The following EWSR1 variants were observed in gnomAD, a reference collection of about 807,000 sequenced individuals.
EWSR1 encodes RNA-binding protein EWS.
A neutral mutation model predicts 92.1 loss-of-function variants in EWSR1; 14 were observed. The ratio of observed to expected loss-of-function variants is 0.15; its 90% CI spans 0.10 to 0.24. The LOEUF (loss-of-function observed/expected upper bound fraction) is 0.24, where lower values mean the gene tolerates loss of function less well. EWSR1 is among the 10% of genes least tolerant of loss of function. EWSR1 has a pLI of 1.00. For synonymous variants in EWSR1, 303 were observed against 292.9 expected (o/e 1.03, Z -0.35); for missense variants, 637 against 870.9 (o/e 0.73, Z 3.38).
intron 5 of EWSR1, among the ~76,000 whole-genome samples, chr22:29,280,843 T>TTG (rs929216836): frequency 6.2e-4 from 89 of 144,354 alleles, no homozygotes; most frequent in East Asian, 1.6e-3. Context: ...CCAGCTAATT[T>TTG]TGTGTGTGTG....
At chr22:29,289,272 T>C in intron 8 of EWSR1, 1 of 232,594 alleles carries the variant, frequency 4.3e-6, no homozygotes, top group South Asian at 1.8e-4. Flanking sequence ...TTTGGTCCCA[T>C]AATCCTTAAA....
chr22:29,275,934 T>TG (rs751069593), intron 4 of EWSR1: 234 of 199,348 alleles, frequency 1.2e-3, no homozygotes, highest in Non-Finnish European at 1.8e-3. Flanking sequence ...TTTGTTTTTT[T>TG]GTTTTTTTTT....
At chr22:29,272,127 C>G in intron 1 of EWSR1, 89 bp from the exon 2 acceptor site, 1 of 1,228,334 alleles carries the variant, frequency 8.1e-7, no homozygotes. Flanking sequence ...TTAAAGAATT[C>G]TTCCTGCCAC....
chr22:29,276,099 A>G (rs1405752630), intron 4 of EWSR1: 6 of 231,836 alleles, frequency 2.6e-5, no homozygotes, highest in Non-Finnish European at 5.1e-5. Flanking sequence ...GCATAGTTTT[A>G]TGACATGAGT....
rs2061085293 is a variant in EWSR1 at position 29,298,715 on chromosome 22, T to C, written c.1418-18T>C. 3 of 1,611,540 alleles carry C rather than the reference T, an allele frequency of 1.9e-6. No homozygotes were observed. Among genetic ancestry groups the C allele is most frequent in the Non-Finnish European group, 2.5e-6 (3 of 1,179,068 alleles). On this transcript the variant is annotated intron_variant, in intron 13 of 16. Transcript: ENST00000397938. ...CTACAGAGAAATGATTTGCTGTTTC[T>C]TGTTGTTCTTGTTGTAGGTCCAGGA...
Position 29,286,417 on chromosome 22 carries a change from C to T in EWSR1, c.582-506C>T, listed in dbSNP as rs191794901. Among the ~76,000 whole-genome samples, 475 of 151,480 alleles carry T rather than the reference C, an allele frequency of 3.1e-3. 2 individuals carry two copies. The highest frequency in any genetic ancestry group is 4.2e-3 in the Non-Finnish European group (285 of 67,828). Reference sequence around the variant, plus strand: ...ATATTTCCCCCTCCCAGCTGGGCACCGTGGCTCATGCCTGTAATCCCAGCA... The same window carrying T: ...ATATTTCCCCCTCCCAGCTGGGCACTGTGGCTCATGCCTGTAATCCCAGCA... On this transcript the variant is annotated intron_variant, in intron 6 of 16. Transcript: ENST00000397938.
At chr22:29,291,414 G>A in intron 8 of EWSR1, 148 bp from the exon 9 acceptor site, 1 of 716,054 alleles carries the variant, frequency 1.4e-6, no homozygotes. Context: ...AAGCTGCCCT[G>A]AAGAAAGGCA....
chr22:29,300,469 G>C lies in EWSR1; in HGVS notation c.*308G>C, dbSNP rs898499210. On this transcript the variant is annotated 3_prime_UTR_variant, in exon 17 of 17. Coordinates refer to ENST00000397938, the MANE Select transcript of EWSR1 (RefSeq NM_005243.4). ...GCCTCTTAACTGTAACAATGTTCATGGTTGTGATGTTTTTTTTTTTTTTTT... is the reference window on the plus strand; with the variant it reads ...GCCTCTTAACTGTAACAATGTTCATCGTTGTGATGTTTTTTTTTTTTTTTT... 7.0e-6 allele frequency: 2 copies of C among 286,198 alleles called. No homozygotes were observed. The highest frequency in any genetic ancestry group is 4.4e-5 in the African/African-American group (2 of 45,774). 17.7% of individuals were successfully genotyped at this position (286,198 alleles called of 1,614,324 possible).
Position 29,285,907 on chromosome 22 carries a change from G to A in EWSR1, c.582-1016G>A, listed in dbSNP as rs572994063. On this transcript the variant is annotated intron_variant, in intron 6 of 16. Coordinates refer to ENST00000397938, the MANE Select transcript of EWSR1 (RefSeq NM_005243.4). ...GGCTGGAGTGCAGTGGCACTATCTC[G>A]GCTCACTGCAAGCTCCGCCTCCTGG... Among the ~76,000 whole-genome samples, 8 of 152,124 alleles carry A rather than the reference G, an allele frequency of 5.3e-5. No individual in the cohort carries two copies. The East Asian group carries it at 1.4e-3, about 26-fold the overall frequency.
In EWSR1 at chr22:29,283,380, G is replaced by C. The variant is rs187389066; in HGVS notation, c.581+823G>C. On this transcript the variant is annotated intron_variant, in intron 6 of 16. Transcript: ENST00000397938. ...TGGCCAAGTTTTCTTTTTTGAGACA[G>C]AGTCTCACTCTGTTGCACAGGCTGG... 2.6e-5 allele frequency among the ~76,000 whole-genome samples: 4 copies of C among 152,210 alleles called. No individual in the cohort carries two copies. The East Asian group carries it at 5.8e-4, about 22-fold the overall frequency.
intron 13 of EWSR1, 30 bp from the exon 14 acceptor site, chr22:29,298,703 A>G: frequency 1.2e-6 from 2 of 1,612,032 alleles, no homozygotes; most frequent in Non-Finnish European, 8.5e-7. Context: ...CAGAGAAATG[A>G]TTTGCTGTTT....
chr22:29,292,041 A>T, intron 9 of EWSR1, 96 bp from the exon 10 acceptor site: 1 of 1,042,148 alleles, frequency 9.6e-7, no homozygotes, highest in Non-Finnish European at 1.5e-6. Context: ...ATCCCCATCA[A>T]ATGGTGGTAT....
At chr22:29,290,722 AAAC>A in intron 8 of EWSR1, 1 of 1,261,112 alleles carries the variant, frequency 7.9e-7, no homozygotes, top group Non-Finnish European at 1.0e-6. Context: ...TTTAAAAAGG[AAAC>A]AAAGCTGCAT....
At chr22:29,276,066 A>G (rs911463153) in intron 4 of EWSR1, 6 of 231,748 alleles carry the variant, frequency 2.6e-5, no homozygotes, top group East Asian at 1.8e-4. Context: ...AATCTTTAGC[A>G]TGACAAGGCC....
At chr22:29,294,604 C>CA (rs1029749874) in intron 11 of EWSR1, among the ~76,000 whole-genome samples, 967 of 65,114 alleles carry the variant, frequency 0.015, 8 homozygotes, top group African/African-American at 0.027. Context: ...GACTCCGCCT[C>CA]AAAAAAAAAA....
chr22:29,271,189 A>T (rs1345432534), intron 1 of EWSR1, among the ~76,000 whole-genome samples: 1 of 152,210 alleles, frequency 6.6e-6, no homozygotes, highest in Non-Finnish European at 1.5e-5. Flanking sequence ...TAATGGCAGT[A>T]CTGTCTTCAG....
At chr22:29,296,877 CA>C (rs368965813) in intron 12 of EWSR1, among the ~76,000 whole-genome samples, 14 of 151,736 alleles carry the variant, frequency 9.2e-5, no homozygotes, top group African/African-American at 3.1e-4. Context: ...CCTGTCTCTA[CA>C]AAAAAAATAC....
chr22:29,299,655 A>T lies in EWSR1; in HGVS notation c.1735A>T (p.Met579Leu). Residue 579 changes from methionine to leucine, a missense_variant, in exon 16 of 17, where the codon ATG becomes TTG. This residue lies in a region of EWSR1 where 363 missense variants were observed against 447.8 expected (regional missense o/e 0.81). Coordinates refer to ENST00000397938, the MANE Select transcript of EWSR1 (RefSeq NM_005243.4). Reference sequence around the variant, plus strand: ...CATGCGGGGAGGAAGAGGTGGCCTCATGGATCGTGGTGGTCCCGGTGGAAT... The same window carrying T: ...CATGCGGGGAGGAAGAGGTGGCCTCTTGGATCGTGGTGGTCCCGGTGGAAT... The part of the protein sequence containing the change: ...GGMRGGRGGL[M>L]DRGGPGGMFR... The T allele has an allele frequency of 6.2e-7, 1 of 1,610,020 alleles. No homozygotes were observed. Among genetic ancestry groups the T allele is most frequent in the South Asian group, 1.1e-5 (1 of 90,772 alleles).
chr22:29,297,824 C>T lies in EWSR1; in HGVS notation c.1295-3C>T. On this transcript the variant is annotated splice_region_variant and splice_polypyrimidine_tract_variant and intron_variant, in intron 12 of 16. Coordinates refer to ENST00000397938, the MANE Select transcript of EWSR1 (RefSeq NM_005243.4). Reference sequence around the variant, plus strand: ...TAATTGATGTTCTGTTGTCTTGTTCCAGGGAAAGATTTTCAAGGGAGCAAA... The same window carrying T: ...TAATTGATGTTCTGTTGTCTTGTTCTAGGGAAAGATTTTCAAGGGAGCAAA... 1.2e-6 allele frequency: 2 copies of T among 1,613,714 alleles called. No homozygotes were observed. Among genetic ancestry groups the T allele is most frequent in the Non-Finnish European group, 1.7e-6 (2 of 1,179,860 alleles).
Sources: gnomAD v4.1 joint callset for allele counts (sites outside exome capture counted in the v4.1 genomes callset) on GRCh38, gnomAD v4.1.1 for gene constraint, gnomAD v4.1.1 regional missense constraint, MANE v1.5 for transcripts, NCBI Gene and HGNC (gene_info 2026-07-23, HGNC 2026-07-21) for gene names.